Variants in CNTNAP5 observed in about 807,000 individuals in gnomAD.
CNTNAP5 encodes contactin-associated protein-like 5.
A neutral mutation model predicts 150.2 loss-of-function variants in CNTNAP5; 72 were observed. The ratio of observed to expected loss-of-function variants is 0.48; its 90% confidence interval spans 0.40 to 0.58. CNTNAP5 has a LOEUF of 0.58. CNTNAP5 is among the 20% of genes least tolerant of loss of function. The pLI is 0.00. For missense variants in CNTNAP5, 1,636 were observed against 1,626.2 expected (o/e 1.01, Z -0.10); for synonymous variants, 672 against 619.8 (o/e 1.08, Z -1.25).
At chr2:124,504,703 A>ATTT (rs34518488) in intron 8 of CNTNAP5, 147 bp downstream of exon 8, 134 of 370,496 alleles carry the variant, frequency 3.6e-4, no homozygotes, top group South Asian at 6.4e-4. Context: ...AAGAGGCAGC[A>ATTT]TTTTTTTTTT....
At position 124,642,263 on chromosome 2, in the gene CNTNAP5, T is replaced by C. The variant is rs565272765; in HGVS notation, c.1877-5495T>C. On this transcript the variant is annotated intron_variant, in intron 12 of 23. Coordinates refer to ENST00000682447, the MANE Select transcript of CNTNAP5 (RefSeq NM_001367498.1). ...TCTGCTGGCTCTTTGTACAGCCTCT[T>C]TTTCTTTTCTCTTTTTGTTATTGTT... Among the ~76,000 whole-genome samples the C allele has an allele frequency of 2.6e-5, 4 of 152,252 alleles. No homozygotes were observed. In the East Asian group the frequency reaches 7.7e-4, roughly 29 times the overall value.
At chr2:124,635,445 C>G (rs1558713908) in intron 12 of CNTNAP5, among the ~76,000 whole-genome samples, 1 of 152,154 alleles carries the variant, frequency 6.6e-6, no homozygotes, top group Non-Finnish European at 1.5e-5. Flanking sequence ...CAAACCATAT[C>G]ATGGGGCTAG....
At chr2:124,403,549 A>G (rs567171212) in intron 3 of CNTNAP5, among the ~76,000 whole-genome samples, 15 of 152,322 alleles carry the variant, frequency 9.8e-5, no homozygotes, top group Non-Finnish European at 2.1e-4. Context: ...ACTGATTTTG[A>G]AAAAAGTACA....
chr2:124,272,280 T>C (rs536025621), intron 3 of CNTNAP5, among the ~76,000 whole-genome samples: 2 of 152,316 alleles, frequency 1.3e-5, no homozygotes, highest in Admixed American at 6.5e-5. Flanking sequence ...TTTTCTTAAG[T>C]TCTGATAAGA....
intron 13 of CNTNAP5, among the ~76,000 whole-genome samples, chr2:124,725,704 C>T (rs2168023): frequency 2.0e-5 from 3 of 151,966 alleles, no homozygotes; most frequent in Non-Finnish European, 2.9e-5. Flanking sequence ...ACTCTTCGAA[C>T]GACATGTCTC....
chr2:124,443,943 A>C (rs576181328), intron 5 of CNTNAP5, among the ~76,000 whole-genome samples: 1 of 152,098 alleles, frequency 6.6e-6, no homozygotes, highest in African/African-American at 2.4e-5. Context: ...TTAAGAAAAA[A>C]GTGAGATGCA....
intron 1 of CNTNAP5, among the ~76,000 whole-genome samples, chr2:124,037,303 C>A (rs1681251561): frequency 6.6e-6 from 1 of 152,186 alleles, no homozygotes. Context: ...GTATTTTTAT[C>A]ACTACATAAT....
At chr2:124,776,271 T>C (rs1681321071) in intron 17 of CNTNAP5, among the ~76,000 whole-genome samples, 1 of 150,138 alleles carries the variant, frequency 6.7e-6, no homozygotes, top group Non-Finnish European at 1.5e-5. Context: ...CTTTTTATTT[T>C]TCCCATGGGC....
intron 1 of CNTNAP5, among the ~76,000 whole-genome samples, chr2:124,151,248 GAATCCT>G (rs1008267675): frequency 1.3e-5 from 2 of 152,152 alleles, no homozygotes; most frequent in Non-Finnish European, 2.9e-5. Context: ...AATTTAGGCT[GAATCCT>G]AAGAACAATG....
intron 6 of CNTNAP5, among the ~76,000 whole-genome samples, chr2:124,472,135 A>G (rs1693532439): frequency 6.6e-6 from 1 of 152,104 alleles, no homozygotes; most frequent in African/African-American, 2.4e-5. Context: ...TATGAGCACA[A>G]ATGGAACACA....
intron 3 of CNTNAP5, among the ~76,000 whole-genome samples, chr2:124,282,343 T>A (rs1688034456): frequency 6.6e-6 from 1 of 152,200 alleles, no homozygotes; most frequent in African/African-American, 2.4e-5. Flanking sequence ...AGGTGTTCAA[T>A]AAGCAAATGT....
chr2:124,584,290 C>T (rs1696480501), intron 11 of CNTNAP5, among the ~76,000 whole-genome samples: 2 of 152,078 alleles, frequency 1.3e-5, no homozygotes, highest in African/African-American at 4.8e-5. Flanking sequence ...AGCTTTCTGC[C>T]TCGGTTTTCC....
intron 1 of CNTNAP5, among the ~76,000 whole-genome samples, chr2:124,169,131 G>A (rs755206175): frequency 1.9e-4 from 29 of 151,644 alleles, no homozygotes; most frequent in Non-Finnish European, 3.5e-4. Flanking sequence ...CTTTCCCACT[G>A]GACTGGATCT....
intron 8 of CNTNAP5, among the ~76,000 whole-genome samples, chr2:124,505,872 A>G (rs1481089174): frequency 1.3e-5 from 2 of 152,356 alleles, no homozygotes; most frequent in East Asian, 1.9e-4. Flanking sequence ...TGAATAAACA[A>G]TCTGAATAAA....
At chr2:124,780,286 C>G (rs1157675499) in intron 17 of CNTNAP5, among the ~76,000 whole-genome samples, 1 of 152,172 alleles carries the variant, frequency 6.6e-6, no homozygotes, top group Non-Finnish European at 1.5e-5. Context: ...TTTGTGCCTT[C>G]ACCCCATTGG....
At chr2:124,873,205 C>T (rs549463358) in intron 21 of CNTNAP5, among the ~76,000 whole-genome samples, 33 of 152,038 alleles carry the variant, frequency 2.2e-4, no homozygotes, top group East Asian at 7.8e-4. Context: ...GGAAGAAGAG[C>T]GAGGAGGAAG....
intron 18 of CNTNAP5, among the ~76,000 whole-genome samples, chr2:124,793,244 C>T (rs1209620252): frequency 6.6e-6 from 1 of 152,138 alleles, no homozygotes; most frequent in Admixed American, 6.5e-5. Flanking sequence ...ATATGAAATG[C>T]TATCGCATTG....
At chr2:124,355,837 A>C (rs889986204) in intron 3 of CNTNAP5, among the ~76,000 whole-genome samples, 4 of 152,174 alleles carry the variant, frequency 2.6e-5, no homozygotes, top group Non-Finnish European at 4.4e-5. Context: ...ATTGAAGAGG[A>C]AGGAGGCCAT....
intron 16 of CNTNAP5, among the ~76,000 whole-genome samples, chr2:124,765,220 C>A (rs1170492583): frequency 6.6e-6 from 1 of 151,988 alleles, no homozygotes; most frequent in Non-Finnish European, 1.5e-5. Flanking sequence ...CTACATGTCT[C>A]TGCAAGCAAA....
Sources: gnomAD v4.1 joint callset for allele counts (sites outside exome capture counted in the v4.1 genomes callset) on GRCh38, gnomAD v4.1.1 for gene constraint, MANE v1.5 for transcripts, NCBI Gene and HGNC (gene_info 2026-07-23, HGNC 2026-07-21) for gene names.